PSAT1: variants seen among roughly 807,000 people sequenced by gnomAD.
The protein encoded by PSAT1 is phosphoserine aminotransferase 1.
A neutral mutation model predicts 40.3 loss-of-function variants in PSAT1; 41 were observed. The ratio of observed to expected loss-of-function variants is 1.02; its 90% CI spans 0.79 to 1.32. The LOEUF (loss-of-function observed/expected upper bound fraction) is 1.32, where lower values mean the gene tolerates loss of function less well. Ranked by LOEUF, PSAT1 falls within the 40% of genes most tolerant of loss-of-function variation. The pLI, the probability that PSAT1 is intolerant of heterozygous loss-of-function variation, is 0.00. For synonymous variants in PSAT1, 147 were observed against 170.5 expected, an observed-to-expected ratio of 0.86 and a Z score of 1.07; for missense variants, 406 against 455.8, an observed-to-expected ratio of 0.89 and a Z score of 0.99.
At chr9:78,313,684 G>C (rs758173975) in intron 6 of PSAT1, among the ~76,000 whole-genome samples, 1 of 152,024 alleles carries the variant, frequency 6.6e-6, no homozygotes, top group African/African-American at 2.4e-5. Flanking sequence ...TTGCTCTGTT[G>C]TGCAGGCTGG....
intron 5 of PSAT1, among the ~76,000 whole-genome samples, chr9:78,307,345 C>T (rs1057355196): frequency 7.2e-5 from 11 of 152,218 alleles, no homozygotes; most frequent in Admixed American, 2.6e-4. Flanking sequence ...CTTCAAGGTT[C>T]TATTGCACTT....
chr9:78,326,953 A>ATTTTTTTTTTTT (rs1397133333), intron 7 of PSAT1, among the ~76,000 whole-genome samples: 2 of 81,514 alleles, frequency 2.5e-5, no homozygotes, highest in African/African-American at 1.8e-4. Flanking sequence ...ATATATATAT[A>ATTTTTTTTTTTT]TATTTTTTTT....
chr9:78,327,677 T>C (rs1219562624), intron 7 of PSAT1, among the ~76,000 whole-genome samples: 7 of 152,170 alleles, frequency 4.6e-5, no homozygotes, highest in Admixed American at 4.6e-4. Context: ...TCTGCAGCCT[T>C]GCAGAGAAAG....
intron 1 of PSAT1, chr9:78,298,256 C>T: frequency 1.0e-6 from 1 of 985,282 alleles, no homozygotes; most frequent in Non-Finnish European, 1.2e-6. Flanking sequence ...GCGGCTGCCG[C>T]CGCCGTTAGA....
At chr9:78,297,366 T>C in intron 1 of PSAT1, 96 bp downstream of exon 1, 2 of 1,410,244 alleles carry the variant, frequency 1.4e-6, no homozygotes, top group South Asian at 2.5e-5. Flanking sequence ...GGATTCCCGC[T>C]CCCTGCCTTG....
rs3739474 is a variant in PSAT1 at position 78,304,840 on chromosome 9, T to A, written c.297T>A (p.Ala99=). The part of the protein sequence containing the change: ...NLIGLKAGRC[A]DYVVTGAWSA... ...TTGGCTTGAAAGCAGGAAGGTGTGC[T>A]GACTATGTGGTGACAGGAGCTTGGT... Residue 99 remains alanine, a synonymous_variant, in exon 4 of 9, where the codon GCT becomes GCA. Coordinates refer to ENST00000376588, the MANE Select transcript of PSAT1 (RefSeq NM_058179.4). 6.2e-6 allele frequency: 10 copies of A among 1,613,828 alleles called. No homozygotes were observed. Among genetic ancestry groups the A allele is most frequent in the African/African-American group, 2.7e-5 (2 of 74,836 alleles).
At chr9:78,310,976 G>A (rs1828259038) in intron 6 of PSAT1, among the ~76,000 whole-genome samples, 1 of 152,190 alleles carries the variant, frequency 6.6e-6, no homozygotes, top group Non-Finnish European at 1.5e-5. Flanking sequence ...CAGAGCAGCA[G>A]CTCCTCACAT....
intron 1 of PSAT1, among the ~76,000 whole-genome samples, chr9:78,299,514 C>CTTTT (rs57722137): frequency 0.011 from 1,312 of 118,468 alleles, 52 homozygotes; most frequent in Non-Finnish European, 0.016. Context: ...TAATCTAATT[C>CTTTT]TTTTTTTTTT....
At chr9:78,316,499 C>A (rs577347823) in intron 6 of PSAT1, among the ~76,000 whole-genome samples, 1 of 152,164 alleles carries the variant, frequency 6.6e-6, no homozygotes, top group Non-Finnish European at 1.5e-5. Flanking sequence ...TTTTTCTGCT[C>A]TCCCCACTCT....
intron 6 of PSAT1, among the ~76,000 whole-genome samples, chr9:78,311,800 C>G (rs981702740): frequency 6.6e-6 from 1 of 151,854 alleles, no homozygotes; most frequent in Non-Finnish European, 1.5e-5. Context: ...CCAGTGCACT[C>G]CAGCCTGGGT....
rs181477443 is a variant in PSAT1 at position 78,303,521 on chromosome 9, C to T, written c.192-1214C>T. On this transcript the variant is annotated intron_variant, in intron 3 of 8. Coordinates refer to ENST00000376588, the MANE Select transcript of PSAT1 (RefSeq NM_058179.4). ...CTGGTTCCCACCTTGTATACCTGTACCTAGACCTCGGCCTGGTTTCTTTCC... is the reference window on the plus strand; with the variant it reads ...CTGGTTCCCACCTTGTATACCTGTATCTAGACCTCGGCCTGGTTTCTTTCC... Among the ~76,000 whole-genome samples, 4 of 152,236 alleles carry T rather than the reference C, an allele frequency of 2.6e-5. No homozygotes were observed. In the East Asian group the frequency reaches 5.8e-4, roughly 22 times the overall value.
chr9:78,317,100 C>T (rs1265610125), intron 6 of PSAT1, among the ~76,000 whole-genome samples: 1 of 152,178 alleles, frequency 6.6e-6, no homozygotes, highest in African/African-American at 2.4e-5. Flanking sequence ...AGGGCTTAAG[C>T]TGGACAAGGA....
chr9:78,302,005 A>G lies in PSAT1; in HGVS notation c.173A>G (p.Asn58Ser), dbSNP rs757471190. 2.2e-5 allele frequency: 36 copies of G among 1,610,996 alleles called. No homozygotes were observed. Among genetic ancestry groups the G allele is most frequent in the Admixed American group, 3.3e-5 (2 of 60,004 alleles). The change falls in exon 3 of 9, where the codon AAT becomes AGT. Residue 58 changes from asparagine to serine, a missense_variant. Coordinates refer to ENST00000376588, the MANE Select transcript of PSAT1 (RefSeq NM_058179.4). Reference sequence around the variant, plus strand: ...GCCAAGATTATTAACAATACAGAGAATCTTGTGCGGGAATTGCTGTAAGTT... The same window carrying G: ...GCCAAGATTATTAACAATACAGAGAGTCTTGTGCGGGAATTGCTGTAAGTT... ...DFAKIINNTE[N>S]LVRELLAVPD...
At chr9:78,304,284 G>A (rs1828148547) in intron 3 of PSAT1, among the ~76,000 whole-genome samples, 1 of 152,130 alleles carries the variant, frequency 6.6e-6, no homozygotes, top group South Asian at 2.1e-4. Flanking sequence ...TTGGTTGCAG[G>A]ATTAGCTCCT....
chr9:78,299,931 T>G (rs2118621070), intron 1 of PSAT1, among the ~76,000 whole-genome samples: 1 of 152,364 alleles, frequency 6.6e-6, no homozygotes, highest in Non-Finnish European at 1.5e-5. Context: ...AGGTGCCTCC[T>G]ATCTGTAGAC....
At chr9:78,318,909 A>C (rs925848174) in intron 7 of PSAT1, among the ~76,000 whole-genome samples, 5 of 152,194 alleles carry the variant, frequency 3.3e-5, no homozygotes, top group African/African-American at 1.2e-4. Context: ...GGATGCAGAG[A>C]AGTGTAACAG....
chr9:78,328,255 C>G, intron 8 of PSAT1, 67 bp downstream of exon 8: 1 of 1,594,876 alleles, frequency 6.3e-7, no homozygotes, highest in Non-Finnish European at 8.6e-7. Context: ...CAGAATAAAA[C>G]AAATCTATAG....
intron 7 of PSAT1, among the ~76,000 whole-genome samples, chr9:78,319,856 G>A (rs1828401072): frequency 1.3e-5 from 2 of 152,224 alleles, no homozygotes; most frequent in South Asian, 4.1e-4. Flanking sequence ...TGAAGGGCAT[G>A]GTTTATGCTG....
chr9:78,317,843 G>T, intron 7 of PSAT1, 39 bp downstream of exon 7: 1 of 1,602,484 alleles, frequency 6.2e-7, no homozygotes. Flanking sequence ...TGCCTCTTGT[G>T]AATTTAAAAC....
Sources: allele counts gnomAD v4.1 joint callset (sites outside exome capture counted in the v4.1 genomes callset), GRCh38; gene constraint gnomAD v4.1.1; transcripts MANE v1.5; gene names NCBI Gene and HGNC (gene_info 2026-07-23, HGNC 2026-07-21).